Variants in GLI3 observed in about 807,000 individuals in gnomAD.
The protein encoded by GLI3 is transcription activator GLI3.
GLI3 carries 20 observed loss-of-function variants against 100.8 expected under a neutral mutation model. That is an observed-to-expected ratio of 0.20 (90% confidence interval 0.14 to 0.29). GLI3 has a LOEUF of 0.29. Among genes scored for constraint, GLI3 ranks in the 10% least tolerant of loss-of-function variants. The pLI, the probability that GLI3 is intolerant of heterozygous loss-of-function variation, is 1.00. For missense variants in GLI3, 2,040 were observed against 2,128.5 expected, an observed-to-expected ratio of 0.96 and a Z score of 0.82; for synonymous variants, 938 against 860.5, an observed-to-expected ratio of 1.09 and a Z score of -1.58.
intron 2 of GLI3, among the ~76,000 whole-genome samples, chr7:42,155,332 A>T (rs1001168577): frequency 6.6e-6 from 1 of 151,896 alleles, no homozygotes; most frequent in African/African-American, 2.4e-5. Flanking sequence ...CCAGCTACTT[A>T]GGAGTCTGAG....
chr7:42,022,667 C>T (rs950469120), intron 10 of GLI3, among the ~76,000 whole-genome samples: 1 of 152,212 alleles, frequency 6.6e-6, no homozygotes, highest in East Asian at 1.9e-4. Context: ...ATGCCCTCCA[C>T]GTCAGCCAAT....
chr7:41,992,143 T>C (rs959274453), intron 10 of GLI3, among the ~76,000 whole-genome samples: 3 of 152,190 alleles, frequency 2.0e-5, no homozygotes, highest in East Asian at 1.9e-4. Flanking sequence ...GACTGGGCAA[T>C]GAATCCATCT....
At chr7:42,005,824 C>T (rs1257643279) in intron 10 of GLI3, among the ~76,000 whole-genome samples, 1 of 152,122 alleles carries the variant, frequency 6.6e-6, no homozygotes, top group African/African-American at 2.4e-5. Flanking sequence ...GACAGGGTTC[C>T]CCTTGGAGTC....
At chr7:41,978,845 A>T (rs1009518820) in intron 10 of GLI3, 97 bp from the exon 11 acceptor site, 12 of 1,043,842 alleles carry the variant, frequency 1.1e-5, no homozygotes, top group African/African-American at 1.6e-5. Context: ...AATCTTAAAA[A>T]TTCTAAAGAC....
intron 3 of GLI3, among the ~76,000 whole-genome samples, chr7:42,084,494 C>G (rs1269238751): frequency 1.3e-5 from 2 of 152,230 alleles, no homozygotes; most frequent in Non-Finnish European, 2.9e-5. Flanking sequence ...TACTGGCTGA[C>G]CAGCCATATC....
chr7:41,985,644 A>C (rs1392716915), intron 10 of GLI3, among the ~76,000 whole-genome samples: 2 of 152,224 alleles, frequency 1.3e-5, no homozygotes, highest in Non-Finnish European at 2.9e-5. Context: ...AACACTTTCC[A>C]CAAGAATCCC....
At chr7:42,098,437 G>A (rs903955941) in intron 3 of GLI3, among the ~76,000 whole-genome samples, 2 of 152,102 alleles carry the variant, frequency 1.3e-5, no homozygotes, top group Admixed American at 6.5e-5. Context: ...GGATCAGGGA[G>A]GTGATGTGTT....
chr7:42,068,691 C>T (rs566838039), intron 4 of GLI3, among the ~76,000 whole-genome samples: 30 of 152,214 alleles, frequency 2.0e-4, no homozygotes, highest in African/African-American at 6.7e-4. Context: ...TTTGTTCCCC[C>T]GAGGAAAGGT....
At chr7:42,260,521 TCTAAA>T (rs780170698) in intron 1 of GLI3, among the ~76,000 whole-genome samples, 8 of 152,220 alleles carry the variant, frequency 5.3e-5, no homozygotes, top group Non-Finnish European at 8.8e-5. Context: ...TTAGCAAGAA[TCTAAA>T]CTAAACAATT....
At chr7:42,109,414 T>C (rs1266193367) in intron 3 of GLI3, among the ~76,000 whole-genome samples, 1 of 152,158 alleles carries the variant, frequency 6.6e-6, no homozygotes, top group Non-Finnish European at 1.5e-5. Context: ...TGGGCTATAA[T>C]AAGATATTGC....
intron 3 of GLI3, 142 bp from the exon 4 acceptor site, chr7:42,076,999 G>A (rs942062949): frequency 1.4e-5 from 10 of 702,042 alleles, no homozygotes; most frequent in Middle Eastern, 2.7e-4. Context: ...TTTAAGGTTA[G>A]TTATGAAGCT....
chr7:42,257,158 A>G (rs1369812382), intron 1 of GLI3, among the ~76,000 whole-genome samples: 2 of 152,136 alleles, frequency 1.3e-5, no homozygotes, highest in Non-Finnish European at 1.5e-5. Flanking sequence ...AATTAGTTCT[A>G]GTGGTTTTAG....
At chr7:42,072,929 T>C (rs1376037669) in intron 4 of GLI3, among the ~76,000 whole-genome samples, 1 of 152,144 alleles carries the variant, frequency 6.6e-6, no homozygotes, top group Non-Finnish European at 1.5e-5. Flanking sequence ...GAGAGCAACA[T>C]TCCATTTGTT....
At chr7:42,062,686 A>G (rs890422411) in intron 4 of GLI3, among the ~76,000 whole-genome samples, 6 of 146,838 alleles carry the variant, frequency 4.1e-5, no homozygotes, top group African/African-American at 1.6e-4. Context: ...ATAAGAGAGA[A>G]GGTTTATATA....
intron 2 of GLI3, among the ~76,000 whole-genome samples, chr7:42,166,569 G>T (rs1008123578): frequency 6.6e-6 from 1 of 151,860 alleles, no homozygotes; most frequent in Non-Finnish European, 1.5e-5. Context: ...CCAGTTGGGG[G>T]GTTGGAGGGA....
intron 10 of GLI3, among the ~76,000 whole-genome samples, chr7:42,022,604 G>T (rs1489581067): frequency 1.3e-5 from 2 of 152,206 alleles, no homozygotes. Flanking sequence ...ACAAGACCCT[G>T]TGCTTCTGCC....
At chr7:42,107,895 G>A (rs1785613196) in intron 3 of GLI3, among the ~76,000 whole-genome samples, 4 of 152,262 alleles carry the variant, frequency 2.6e-5, no homozygotes, top group South Asian at 2.1e-4. Context: ...TGCCGGTGGC[G>A]TGCTGGATTT....
At chr7:42,069,414 C>T (rs767718968) in intron 4 of GLI3, among the ~76,000 whole-genome samples, 1 of 152,182 alleles carries the variant, frequency 6.6e-6, no homozygotes, top group Non-Finnish European at 1.5e-5. Flanking sequence ...TGAAACTCAA[C>T]CATCTTTTCC....
At chr7:41,996,268 A>G (rs1314899964) in intron 10 of GLI3, among the ~76,000 whole-genome samples, 1 of 152,136 alleles carries the variant, frequency 6.6e-6, no homozygotes, top group Non-Finnish European at 1.5e-5. Context: ...TACCATTAAA[A>G]ATTATTTGTT....
Sources: gnomAD v4.1 joint callset for allele counts (sites outside exome capture counted in the v4.1 genomes callset) on GRCh38, gnomAD v4.1.1 for gene constraint, MANE v1.5 for transcripts, NCBI Gene and HGNC (gene_info 2026-07-23, HGNC 2026-07-21) for gene names.